DYNC1H1: variants seen among roughly 807,000 people sequenced by gnomAD.
The protein encoded by DYNC1H1 is dynein cytoplasmic 1 heavy chain 1, also known as cytoplasmic dynein 1 heavy chain 1.
A neutral mutation model predicts 527.1 loss-of-function variants in DYNC1H1; 51 were observed. That is an observed-to-expected ratio of 0.10 (90% CI 0.08 to 0.12). The LOEUF (loss-of-function observed/expected upper bound fraction) is 0.12. DYNC1H1 is among the 10% of genes least tolerant of loss of function. DYNC1H1 has a pLI of 1.00. For missense variants in DYNC1H1, 2,771 were observed against 5,971.8 expected (o/e 0.46, Z 17.66); for synonymous variants, 2,189 against 2,278.8 (o/e 0.96, Z 1.12).
chr14:101,988,998 G>A (rs565372359), intron 10 of DYNC1H1, 146 bp downstream of exon 10: 12 of 1,114,872 alleles, frequency 1.1e-5, no homozygotes, highest in South Asian at 8.2e-5. Flanking sequence ...CACCAGTGGC[G>A]ATGTGCAGGT....
Position 101,972,493 on chromosome 14 carries a change from A to G in DYNC1H1, c.257-3219A>G, listed in dbSNP as rs535514644. Among the ~76,000 whole-genome samples the G allele has an allele frequency of 3.3e-5, 5 of 152,360 alleles. No homozygotes were observed. In the East Asian group the frequency reaches 9.6e-4, roughly 29 times the overall value. On this transcript the variant is annotated intron_variant, in intron 1 of 77. Transcript: ENST00000360184. ...ATTATCGTTGTTTGAGGATTATGTCATTGGGTGTGCCTTCCTGAGCTGAAG... is the reference window on the plus strand; with the variant it reads ...ATTATCGTTGTTTGAGGATTATGTCGTTGGGTGTGCCTTCCTGAGCTGAAG...
chr14:101,999,747 G>C (rs1007450052), intron 16 of DYNC1H1, among the ~76,000 whole-genome samples: 1 of 152,182 alleles, frequency 6.6e-6, no homozygotes, highest in African/African-American at 2.4e-5. Flanking sequence ...TAAGACAATG[G>C]CTAAATCAAG....
Position 102,047,587 on chromosome 14 carries a change from G to GTA in DYNC1H1, c.13007-219_13007-218dup, listed in dbSNP as rs138644560. On this transcript the variant is annotated intron_variant, in intron 72 of 77. Coordinates refer to ENST00000360184, the MANE Select transcript of DYNC1H1 (RefSeq NM_001376.5). ...CACATATATATATACATACACATAC[G>GTA]TATATATATATACACATATATGTAT... 0.052 allele frequency: 16,678 copies of GTA among 322,216 alleles called. 1,691 individuals carry two copies. The highest frequency in any genetic ancestry group is 0.27 in the African/African-American group (9,784 of 36,258). The allele number at this position is 322,216 out of a possible 1,614,324, so 20.0% of individuals were successfully genotyped here.
chr14:102,005,043 C>G lies in DYNC1H1; in HGVS notation c.5240C>G (p.Ala1747Gly), dbSNP rs757314893. The G allele has an allele frequency of 2.5e-6, 4 of 1,614,056 alleles. No individual in the cohort carries two copies. In the East Asian group the frequency reaches 8.9e-5, roughly 36 times the overall value. The change falls in exon 26 of 78, where the codon GCC (alanine) becomes GGC (glycine). Residue 1747 changes from alanine to glycine, a missense_variant and splice_region_variant. Ala to Gly is a moderately conservative substitution (Grantham distance 60). Around this residue, in one of 32 missense-constraint regions of DYNC1H1, gnomAD observed 105 missense variants for 138.1 expected, o/e 0.76. Coordinates refer to ENST00000360184, the MANE Select transcript of DYNC1H1 (RefSeq NM_001376.5). This position sits in a 1 kb window ranked among gnomAD's most constrained non-coding sequence, Gnocchi z 4.0. Reference protein sequence around the residue: ...TYITWIDKYQAQLVVLSAQIA... With the variant: ...TYITWIDKYQGQLVVLSAQIA... ...GGATCTTGTTTCTGTGTCTTTCAGG[C>G]CCAGCTTGTGGTTTTGTCAGCCCAG... is the stretch of plus-strand genomic sequence containing the variant.
At chr14:102,045,810 G>A (rs1329702062) in intron 72 of DYNC1H1, among the ~76,000 whole-genome samples, 1 of 152,018 alleles carries the variant, frequency 6.6e-6, no homozygotes, top group Non-Finnish European at 1.5e-5. Flanking sequence ...CTCTAAGCCA[G>A]TGGCTCTCAT....
intron 69 of DYNC1H1, 93 bp from the exon 70 acceptor site, chr14:102,043,782 T>C: frequency 6.3e-7 from 1 of 1,576,986 alleles, no homozygotes; most frequent in South Asian, 1.1e-5. Context: ...TGTGGAGAGC[T>C]CTTTGTAAAG....
Position 101,979,444 on chromosome 14 carries a change from T to C in DYNC1H1, c.470T>C (p.Val157Ala). The change falls in exon 3 of 78, where the codon GTG becomes GCG. Residue 157 changes from valine to alanine, a missense_variant. By Grantham distance (64) the Val-to-Ala change is moderately conservative. Transcript: ENST00000360184. This position sits in a 1 kb window ranked among gnomAD's most constrained non-coding sequence, Gnocchi z 4.6. Reference protein sequence around the residue: ...ETLHSFISNAVAPFFKSYIRE... With the variant: ...ETLHSFISNAAAPFFKSYIRE... Reference sequence around the variant, plus strand: ...TTGCATTCTTTCATTAGCAATGCAGTGGCTCCTTTTTTTAAGTCCTACATT... The same window carrying C: ...TTGCATTCTTTCATTAGCAATGCAGCGGCTCCTTTTTTTAAGTCCTACATT... The C allele has an allele frequency of 6.2e-7, 1 of 1,614,214 alleles. No homozygotes were observed. The highest frequency in any genetic ancestry group is 8.5e-7 in the Non-Finnish European group (1 of 1,180,038).
chr14:102,047,637 GTGTGTATATATATATATATA>G lies in DYNC1H1; in HGVS notation c.13007-178_13007-159del, dbSNP rs1314520288. The G allele has an allele frequency of 1.3e-5, 5 of 392,602 alleles. No homozygotes were observed. The African/African-American group carries it at 2.2e-4, about 18-fold the overall frequency. 24.3% of individuals were successfully genotyped at this position (392,602 alleles called of 1,614,324 possible). ...TATATACACGTGTGTGTGTGTGTGTGTGTGTATATATATATATATATATATATGTACACACGGCTGAGCAC... is the reference window on the plus strand; with the variant it reads ...TATATACACGTGTGTGTGTGTGTGTGTATATATGTACACACGGCTGAGCAC... On this transcript the variant is annotated intron_variant, in intron 72 of 77. Transcript: ENST00000360184.
chr14:101,964,579 C>T lies in DYNC1H1; in HGVS notation c.-113C>T. ...GCCGGCTCCCGCTCTCCTCAGTCTG[C>T]GGTGGGCTAGCGGACGGTCCGGCTT... On this transcript the variant is annotated 5_prime_UTR_variant, in exon 1 of 78. Transcript: ENST00000360184. This position sits in a 1 kb window ranked among gnomAD's most constrained non-coding sequence, Gnocchi z 5.5. 6 of 1,518,178 alleles carry T rather than the reference C, an allele frequency of 4.0e-6. No homozygotes were observed. Among genetic ancestry groups the T allele is most frequent in the Non-Finnish European group, 5.3e-6 (6 of 1,137,290 alleles). The allele number at this position is 1,518,178 out of a possible 1,614,324, so 94.0% of individuals were successfully genotyped here.
chr14:102,039,311 C>T lies in DYNC1H1; in HGVS notation c.11460+57C>T. ...GCCCCGCACAGTAGCTCCTTGGCCG[C>T]ACAGAGGCTGGCGGGCCCTGCACAG... On this transcript the variant is annotated intron_variant, in intron 60 of 77. Coordinates refer to ENST00000360184, the MANE Select transcript of DYNC1H1 (RefSeq NM_001376.5). This position sits in a 1 kb window ranked among gnomAD's most constrained non-coding sequence, Gnocchi z 7.0. 6.2e-7 allele frequency: 1 copy of T among 1,611,606 alleles called. No homozygotes were observed. Among genetic ancestry groups the T allele is most frequent in the Non-Finnish European group, 8.5e-7 (1 of 1,179,926 alleles).
intron 43 of DYNC1H1, among the ~76,000 whole-genome samples, chr14:102,024,979 C>T (rs2152587798): frequency 6.6e-6 from 1 of 151,450 alleles, no homozygotes; most frequent in South Asian, 2.1e-4. Flanking sequence ...CAGGCATGAA[C>T]CACTGCACCC....
chr14:102,017,282 C>G lies in DYNC1H1; in HGVS notation c.8043C>G (p.Ser2681=). 6.2e-7 allele frequency: 1 copy of G among 1,614,240 alleles called. No homozygotes were observed. The highest frequency in any genetic ancestry group is 8.5e-7 in the Non-Finnish European group (1 of 1,180,050). The change falls in exon 39 of 78, where the codon TCC becomes TCG. Residue 2681 remains serine, a synonymous_variant. Coordinates refer to ENST00000360184, the MANE Select transcript of DYNC1H1 (RefSeq NM_001376.5). The surrounding 1 kb of genome is among the most constrained non-coding windows in gnomAD (Gnocchi z 4.6). ...AATATGGGACCCAGAGGGTCATATC[C>G]TTCATCAGACAGGTTTGTTTCTATC... is the stretch of plus-strand genomic sequence containing the variant. ...MDKYGTQRVI[S]FIRQMVEHGG...
Position 102,005,248 on chromosome 14 carries a change from A to G in DYNC1H1, c.5433+12A>G. The G allele has an allele frequency of 6.2e-7, 1 of 1,614,086 alleles. No individual in the cohort carries two copies. Among genetic ancestry groups the G allele is most frequent in the Admixed American group, 1.7e-5 (1 of 60,028 alleles). ...AGCTAGAACACTTGGTTAGTCTCAC[A>G]CCTGACTCCTTCCTTACCAGTTAGA... On this transcript the variant is annotated intron_variant, in intron 26 of 77. Transcript: ENST00000360184. The surrounding 1 kb of genome is among the most constrained non-coding windows in gnomAD (Gnocchi z 4.0).
At chr14:102,046,870 C>T (rs1250134588) in intron 72 of DYNC1H1, among the ~76,000 whole-genome samples, 1 of 151,666 alleles carries the variant, frequency 6.6e-6, no homozygotes, top group Non-Finnish European at 1.5e-5. Flanking sequence ...GCAATCAGAG[C>T]TCACTGCAGC....
chr14:102,038,492 G>A lies in DYNC1H1; in HGVS notation c.10941G>A (p.Pro3647=), dbSNP rs374214760. The A allele has an allele frequency of 4.4e-5, 71 of 1,614,038 alleles. No homozygotes were observed. The highest frequency in any genetic ancestry group is 1.6e-4 in the Middle Eastern group (1 of 6,078). Residue 3647 remains proline (P), a synonymous_variant, in exon 58 of 78, where the codon CCG becomes CCA. Coordinates refer to ENST00000360184, the MANE Select transcript of DYNC1H1 (RefSeq NM_001376.5). This position sits in a 1 kb window ranked among gnomAD's most constrained non-coding sequence, Gnocchi z 7.2. ...AAAGCTACGATCCAGTTTTGAACCCGGTGCTGAACCGTGAAGTGCGGCGAA... is the reference window on the plus strand; with the variant it reads ...AAAGCTACGATCCAGTTTTGAACCCAGTGCTGAACCGTGAAGTGCGGCGAA... ...DVESYDPVLN[P]VLNREVRRTG... is the part of the protein sequence containing the mutation.
rs896208925 is a variant in DYNC1H1, at chr14:102,019,170, A to G, written c.8343+554A>G. On this transcript the variant is annotated intron_variant, in intron 41 of 77. Coordinates refer to ENST00000360184, the MANE Select transcript of DYNC1H1 (RefSeq NM_001376.5). ...TTCTAAATGTATATAAAGGCTGCAT[A>G]TCTGCCAGATTGCTCTCAAGATGGT... Among the ~76,000 whole-genome samples the G allele has an allele frequency of 2.0e-5, 3 of 152,236 alleles. No individual in the cohort carries two copies. The East Asian group carries it at 5.8e-4, about 29-fold the overall frequency.
At chr14:101,988,409 G>T (rs768430726) in intron 9 of DYNC1H1, among the ~76,000 whole-genome samples, 8 of 152,214 alleles carry the variant, frequency 5.3e-5, no homozygotes, top group Non-Finnish European at 1.0e-4. Context: ...TTTCCCACTG[G>T]TGGACTTCAG....
chr14:102,034,579 C>T, intron 56 of DYNC1H1, 127 bp downstream of exon 56: 4 of 1,478,112 alleles, frequency 2.7e-6, no homozygotes, highest in Non-Finnish European at 3.7e-6. Flanking sequence ...GTGCTGGCAG[C>T]TTGGTGCTCC....
intron 69 of DYNC1H1, chr14:102,043,036 C>G: frequency 2.4e-6 from 1 of 421,360 alleles, no homozygotes; most frequent in Non-Finnish European, 4.5e-6. Flanking sequence ...AATCCCTGCA[C>G]TTTGGGAGGC....
Sources: allele counts gnomAD v4.1 joint callset (sites outside exome capture counted in the v4.1 genomes callset), GRCh38; gene constraint gnomAD v4.1.1; regional missense constraint gnomAD v4.1.1; non-coding constraint Gnocchi (gnomAD v3.1); transcripts MANE v1.5; gene names NCBI Gene and HGNC (gene_info 2026-07-23, HGNC 2026-07-21).